Variants in ALPK2 observed in about 807,000 individuals in gnomAD.
ALPK2 encodes the protein alpha-protein kinase 2.
A neutral mutation model predicts 163.1 loss-of-function variants in ALPK2; 127 were observed. The observed-to-expected ratio is 0.78, with a 90% CI of 0.67 to 0.90. ALPK2 has a LOEUF of 0.90. ALPK2 is among the 40% of genes least tolerant of loss of function. ALPK2 has a pLI of 0.00. For synonymous variants in ALPK2, 953 were observed against 959.1 expected (o/e 0.99, Z 0.12); for missense variants, 2,360 against 2,589.6 (o/e 0.91, Z 1.92).
At chr18:58,484,139 G>C (rs2051326420) in intron 12 of ALPK2, among the ~76,000 whole-genome samples, 1 of 152,184 alleles carries the variant, frequency 6.6e-6, no homozygotes, top group Admixed American at 6.5e-5. Context: ...ATTGAAAAAA[G>C]AGTGGGATGC....
At chr18:58,627,934 G>A (rs1485262689) in intron 1 of ALPK2, among the ~76,000 whole-genome samples, 2 of 152,144 alleles carry the variant, frequency 1.3e-5, no homozygotes, top group Admixed American at 1.3e-4. Flanking sequence ...AGAAATAAAG[G>A]CTACCTTTAC....
At chr18:58,573,234 G>GTGTATATA (rs748904139) in intron 4 of ALPK2, among the ~76,000 whole-genome samples, 1 of 116,506 alleles carries the variant, frequency 8.6e-6, no homozygotes, top group Non-Finnish European at 1.8e-5. Flanking sequence ...GTGTATATGT[G>GTGTATATA]TGTATATATG....
intron 10 of ALPK2, among the ~76,000 whole-genome samples, chr18:58,512,662 G>C (rs1450987966): frequency 2.0e-5 from 3 of 148,886 alleles, no homozygotes; most frequent in Admixed American, 6.7e-5. Context: ...TGTGTGTGCT[G>C]TGTGTGTGTG....
intron 10 of ALPK2, among the ~76,000 whole-genome samples, chr18:58,512,794 G>GTGTGTGTGA (rs1380878975): frequency 6.8e-6 from 1 of 146,050 alleles, no homozygotes; most frequent in South Asian, 2.2e-4. Context: ...GTGTGTGGGG[G>GTGTGTGTGA]TGTGTGTGAT....
In ALPK2 at chr18:58,580,173, C is replaced by T. The variant is rs199623844; in HGVS notation, c.603G>A (p.Glu201=). 16 of 1,614,076 alleles carry T rather than the reference C, an allele frequency of 9.9e-6. No individual in the cohort carries two copies. The highest frequency in any genetic ancestry group is 1.4e-5 in the Non-Finnish European group (16 of 1,180,042). Residue 201 remains glutamate, a synonymous_variant, in exon 4 of 13, where the codon GAG becomes GAA. Transcript: ENST00000361673. ...LGVKGTRHTG[E]AYDPSNTEEI... ...CTTCTGTGTTACTTGGATCATAAGC[C>T]TCTCCAGTGTGCCTTGTTCCTTTAA...
At chr18:58,530,137 G>C (rs1443912328) in intron 5 of ALPK2, among the ~76,000 whole-genome samples, 1 of 152,196 alleles carries the variant, frequency 6.6e-6, no homozygotes, top group Non-Finnish European at 1.5e-5. Flanking sequence ...CCAATACTGA[G>C]ACTTTGCTCC....
At chr18:58,569,156 T>C (rs1423471614) in intron 4 of ALPK2, among the ~76,000 whole-genome samples, 1 of 152,108 alleles carries the variant, frequency 6.6e-6, no homozygotes, top group Non-Finnish European at 1.5e-5. Flanking sequence ...TAGTAAGCAG[T>C]AACCAGGCCA....
intron 12 of ALPK2, among the ~76,000 whole-genome samples, chr18:58,493,495 G>C (rs2144102498): frequency 6.6e-6 from 1 of 152,290 alleles, no homozygotes; most frequent in African/African-American, 2.4e-5. Context: ...CCAGGTGGCT[G>C]CCGTCCCCTC....
In ALPK2 at chr18:58,481,913, C is replaced by T. The variant is rs1471456096; in HGVS notation, c.6423G>A (p.Lys2141=). 6.2e-7 allele frequency: 1 copy of T among 1,614,180 alleles called. No homozygotes were observed. Among genetic ancestry groups the T allele is most frequent in the Admixed American group, 1.7e-5 (1 of 60,016 alleles). The change falls in exon 13 of 13, where the codon AAG becomes AAA. Residue 2141 remains lysine, a synonymous_variant. Transcript: ENST00000361673. ...CTTTGCTTTTCCCAATGCTCGGCTG[C>T]TTCTGTTTCTGGTTGTTGTTTTGAA... ...KSLQNNNQKQ[K]QPSIGKSKVQ...
rs542133846 is a variant in ALPK2, at chr18:58,546,231, C to T, written c.1963-8007G>A. Among the ~76,000 whole-genome samples, 3 of 152,338 alleles carry T rather than the reference C, an allele frequency of 2.0e-5. No homozygotes were observed. The East Asian group carries it at 5.8e-4, about 29-fold the overall frequency. Reference sequence around the variant, plus strand: ...ATATCTGACCAGCTCTTCTTCATTCCATTCCCTCCTAAGGGACAAGAAATC... The same window carrying T: ...ATATCTGACCAGCTCTTCTTCATTCTATTCCCTCCTAAGGGACAAGAAATC... On this transcript the variant is annotated intron_variant, in intron 4 of 12. Transcript: ENST00000361673.
At chr18:58,555,047 A>G (rs920423675) in intron 4 of ALPK2, among the ~76,000 whole-genome samples, 5 of 152,230 alleles carry the variant, frequency 3.3e-5, no homozygotes, top group African/African-American at 7.2e-5. Context: ...CAGTGAGTCC[A>G]TTAAACCCAG....
At chr18:58,614,084 G>C (rs2052151097) in intron 1 of ALPK2, among the ~76,000 whole-genome samples, 2 of 152,220 alleles carry the variant, frequency 1.3e-5, no homozygotes, top group African/African-American at 4.8e-5. Context: ...GGGAGAGTGT[G>C]TGCAGGAAGC....
intron 10 of ALPK2, among the ~76,000 whole-genome samples, chr18:58,510,349 G>A (rs1344405030): frequency 6.6e-6 from 1 of 152,186 alleles, no homozygotes; most frequent in Non-Finnish European, 1.5e-5. Context: ...TTTGGCTTAG[G>A]ACTGACTTGG....
intron 3 of ALPK2, among the ~76,000 whole-genome samples, chr18:58,586,855 A>G (rs1227574037): frequency 6.6e-6 from 1 of 152,050 alleles, no homozygotes. Context: ...AAAGCTTAAA[A>G]GGGAAAGCTG....
chr18:58,531,539 C>T (rs1301810321), intron 5 of ALPK2, among the ~76,000 whole-genome samples: 1 of 149,756 alleles, frequency 6.7e-6, no homozygotes, highest in Admixed American at 6.8e-5. Flanking sequence ...GTTGCTTACA[C>T]TGAGAAAACA....
Position 58,578,947 on chromosome 18 carries a change from T to C in ALPK2, c.1829A>G (p.Gln610Arg), listed in dbSNP as rs1227997011. The C allele has an allele frequency of 1.2e-6, 2 of 1,614,122 alleles. No homozygotes were observed. Among genetic ancestry groups the C allele is most frequent in the Admixed American group, 1.7e-5 (1 of 60,008 alleles). ...RECAISTQAE[Q>R]EAKTLQTSTD... ...TGAAGTTTGAAGGGTTTTTGCTTCT[T>C]GCTCTGCCTGGGTTGAAATAGCACA... Residue 610 changes from glutamine (Q) to arginine (R), a missense_variant, in exon 4 of 13, where the codon CAA becomes CGA. Gln to Arg is a conservative substitution (Grantham distance 43). Transcript: ENST00000361673.
At chr18:58,545,956 G>T (rs551103966) in intron 4 of ALPK2, among the ~76,000 whole-genome samples, 55 of 152,276 alleles carry the variant, frequency 3.6e-4, no homozygotes, top group African/African-American at 1.2e-3. Context: ...TCATTCGATA[G>T]ATCAAATCCA....
intron 4 of ALPK2, chr18:58,556,921 C>T (rs955597109): frequency 7.9e-5 from 12 of 152,260 alleles, no homozygotes; most frequent in African/African-American, 2.7e-4. Context: ...CTACCTACTC[C>T]CGAGCCCCCA....
At chr18:58,520,586 A>G (rs1002934292) in intron 8 of ALPK2, among the ~76,000 whole-genome samples, 3 of 152,172 alleles carry the variant, frequency 2.0e-5, no homozygotes, top group Non-Finnish European at 2.9e-5. Flanking sequence ...CAGAGAAACC[A>G]TGTGGATACC....
Sources: gnomAD v4.1 joint callset for allele counts (sites outside exome capture counted in the v4.1 genomes callset) on GRCh38, gnomAD v4.1.1 for gene constraint, MANE v1.5 for transcripts, NCBI Gene and HGNC (gene_info 2026-07-23, HGNC 2026-07-21) for gene names.